SLA: variants seen among roughly 807,000 people sequenced by gnomAD.
The protein encoded by SLA is Src like adaptor.
A neutral mutation model predicts 30.3 loss-of-function variants in SLA; 16 were observed. That is an observed-to-expected ratio of 0.53 (90% confidence interval 0.36 to 0.80). SLA has a LOEUF of 0.80. Among genes scored for constraint, SLA ranks in the 30% least tolerant of loss-of-function variants. The pLI, the probability that SLA is intolerant of heterozygous loss-of-function variation, is 0.01. For synonymous variants in SLA, 143 were observed against 137.8 expected, an observed-to-expected ratio of 1.04 and a Z score of -0.26; for missense variants, 310 against 345.2, an observed-to-expected ratio of 0.90 and a Z score of 0.81.
intron 1 of SLA, among the ~76,000 whole-genome samples, chr8:133,092,559 A>C (rs1225181756): frequency 6.6e-6 from 1 of 152,126 alleles, no homozygotes; most frequent in East Asian, 1.9e-4. Context: ...TGTGCAGAGG[A>C]CACGCTTCTT....
chr8:133,057,896 G>C (rs1162190634), intron 3 of SLA, among the ~76,000 whole-genome samples: 1 of 152,172 alleles, frequency 6.6e-6, no homozygotes, highest in African/African-American at 2.4e-5. Context: ...AAGTGTCCAG[G>C]CTGGCCTCTG....
chr8:133,067,924 AG>A (rs1843337623), intron 2 of SLA, among the ~76,000 whole-genome samples: 1 of 143,760 alleles, frequency 7.0e-6, no homozygotes, highest in Non-Finnish European at 1.6e-5. Flanking sequence ...GGAAAGAGAG[AG>A]AGAGAGAAAG....
chr8:133,096,953 A>G (rs1588086950), intron 1 of SLA, among the ~76,000 whole-genome samples: 1 of 152,226 alleles, frequency 6.6e-6, no homozygotes, highest in Non-Finnish European at 1.5e-5. Context: ...GCCAGAAGTT[A>G]CAGCCACTCA....
chr8:133,100,430 T>C (rs1295912468), intron 1 of SLA, among the ~76,000 whole-genome samples: 1 of 152,236 alleles, frequency 6.6e-6, no homozygotes, highest in African/African-American at 2.4e-5. Flanking sequence ...CCTAGAAATG[T>C]TTCTAGTTCT....
intron 1 of SLA, among the ~76,000 whole-genome samples, chr8:133,091,606 A>G (rs972591334): frequency 2.0e-5 from 3 of 151,530 alleles, no homozygotes; most frequent in African/African-American, 7.3e-5. Context: ...GTGTGAGTCT[A>G]TCTGTAGGTG....
intron 1 of SLA, among the ~76,000 whole-genome samples, chr8:133,083,894 G>A (rs902844574): frequency 6.6e-6 from 1 of 152,094 alleles, no homozygotes; most frequent in Non-Finnish European, 1.5e-5. Context: ...GTGGTTCCCA[G>A]TTTTCCCCCT....
At chr8:133,098,033 C>T (rs973855439) in intron 1 of SLA, among the ~76,000 whole-genome samples, 4 of 152,018 alleles carry the variant, frequency 2.6e-5, no homozygotes, top group Non-Finnish European at 2.9e-5. Context: ...ACAGCCAGGG[C>T]AAAATACCTT....
Position 133,038,324 on chromosome 8 carries a change from C to A in SLA, c.*200G>T. The A allele has an allele frequency of 1.7e-6, 1 of 600,858 alleles. No individual in the cohort carries two copies. 37.2% of individuals were successfully genotyped at this position (600,858 alleles called of 1,614,324 possible). ...ATCCAATGTTTCGTGATGCCACAGC[C>A]CTGATCAGACACCAGGGAGGGGTTC... On this transcript the variant is annotated 3_prime_UTR_variant, in exon 9 of 9. Coordinates refer to ENST00000338087, the MANE Select transcript of SLA (RefSeq NM_001045556.3).
At chr8:133,038,917 GC>G (rs1463623567) in intron 8 of SLA, among the ~76,000 whole-genome samples, 180 bp from the exon 9 acceptor site, 1 of 152,124 alleles carries the variant, frequency 6.6e-6, no homozygotes, top group Non-Finnish European at 1.5e-5. Flanking sequence ...TCGCTCTGTT[GC>G]CCAGGCTGGA....
chr8:133,091,566 G>T (rs1016873390), intron 1 of SLA, among the ~76,000 whole-genome samples: 9 of 152,242 alleles, frequency 5.9e-5, no homozygotes, highest in African/African-American at 1.9e-4. Context: ...GGGCAGCTTT[G>T]TGTGTGTGTT....
chr8:133,059,588 T>C (rs2741200), intron 3 of SLA, among the ~76,000 whole-genome samples: 53,876 of 151,810 alleles, frequency 0.35, 10,695 homozygotes, highest in African/African-American at 0.54. Flanking sequence ...ATCCCACCAA[T>C]GGGACATAAG....
At chr8:133,072,181 A>G (rs1329981839) in intron 2 of SLA, among the ~76,000 whole-genome samples, 1 of 152,184 alleles carries the variant, frequency 6.6e-6, no homozygotes, top group Admixed American at 6.5e-5. Flanking sequence ...GCCTGGTGCT[A>G]AGGAGCGAAG....
chr8:133,074,180 T>G (rs1844517686), intron 2 of SLA, among the ~76,000 whole-genome samples: 1 of 152,204 alleles, frequency 6.6e-6, no homozygotes, highest in Admixed American at 6.5e-5. Flanking sequence ...ATACTTCACA[T>G]GTTTGCCTTT....
At chr8:133,040,512 G>T (rs573147839) in intron 7 of SLA, among the ~76,000 whole-genome samples, 34 of 152,192 alleles carry the variant, frequency 2.2e-4, no homozygotes, top group Non-Finnish European at 3.7e-4. Flanking sequence ...TGCAGAAGCC[G>T]CAGCCTTCCA....
At chr8:133,050,620 G>A in intron 4 of SLA, 196 bp downstream of exon 4, 1 of 527,966 alleles carries the variant, frequency 1.9e-6, no homozygotes. Context: ...CTACCAGGCA[G>A]TGGGGAGCTA....
chr8:133,094,723 G>C (rs369090681), intron 1 of SLA: 6 of 410,008 alleles, frequency 1.5e-5, no homozygotes, highest in African/African-American at 8.2e-5. Context: ...CACAATCTCC[G>C]ATCCTCTTAA....
At chr8:133,052,061 C>A (rs912156217) in intron 3 of SLA, among the ~76,000 whole-genome samples, 1 of 152,170 alleles carries the variant, frequency 6.6e-6, no homozygotes, top group Non-Finnish European at 1.5e-5. Flanking sequence ...CTGGAGAAAT[C>A]CCAGTACTCA....
intron 3 of SLA, among the ~76,000 whole-genome samples, chr8:133,058,067 G>A (rs1490494179): frequency 6.6e-6 from 1 of 152,204 alleles, no homozygotes. Flanking sequence ...CGGATGAGCA[G>A]CCATAGGAGC....
chr8:133,051,770 A>T lies in SLA; in HGVS notation c.62-855T>A, dbSNP rs562609073. Among the ~76,000 whole-genome samples, 8 of 152,278 alleles carry T rather than the reference A, an allele frequency of 5.3e-5. No homozygotes were observed. In the East Asian group the frequency reaches 1.3e-3, roughly 26 times the overall value. The stretch of plus-strand genomic sequence containing the variant: ...GCATTAGATGCAGGGTAATATTTGG[A>T]TACATTTTTGGGGGAAATAACAAGA... On this transcript the variant is annotated intron_variant, in intron 3 of 8. Coordinates refer to ENST00000338087, the MANE Select transcript of SLA (RefSeq NM_001045556.3).
Sources: allele counts gnomAD v4.1 joint callset (sites outside exome capture counted in the v4.1 genomes callset), GRCh38; gene constraint gnomAD v4.1.1; transcripts MANE v1.5; gene names NCBI Gene and HGNC (gene_info 2026-07-23, HGNC 2026-07-21).